The following TRAPPC9 variants were observed in gnomAD, a reference collection of about 807,000 sequenced individuals.
TRAPPC9 encodes the protein IKK2 binding protein.
A neutral mutation model predicts 124.0 loss-of-function variants in TRAPPC9; 83 were observed. The ratio of observed to expected loss-of-function variants is 0.67; its 90% CI spans 0.56 to 0.80. The LOEUF (loss-of-function observed/expected upper bound fraction) is 0.80. TRAPPC9 is among the 30% of genes least tolerant of loss of function. The pLI is 0.00. For synonymous variants in TRAPPC9, 638 were observed against 617.5 expected, an observed-to-expected ratio of 1.03 and a Z score of -0.49; for missense variants, 1,302 against 1,508.3, an observed-to-expected ratio of 0.86 and a Z score of 2.27.
intron 21 of TRAPPC9, among the ~76,000 whole-genome samples, chr8:139,856,382 A>C (rs1827798573): frequency 6.6e-6 from 1 of 152,126 alleles, no homozygotes; most frequent in Non-Finnish European, 1.5e-5. Context: ...CCCAGAAAGC[A>C]AGACCTCAGA....
At chr8:140,237,008 C>A (rs541701334) in intron 16 of TRAPPC9, among the ~76,000 whole-genome samples, 58 of 152,098 alleles carry the variant, frequency 3.8e-4, no homozygotes, top group African/African-American at 1.3e-3. Flanking sequence ...TGGTGAAACC[C>A]CGCCTCTATT....
At chr8:139,735,658 GTTTTT>G (rs112374981) in intron 21 of TRAPPC9, among the ~76,000 whole-genome samples, 2 of 147,456 alleles carry the variant, frequency 1.4e-5, no homozygotes, top group Admixed American at 1.4e-4. Flanking sequence ...ACCCTGCCCT[GTTTTT>G]TTTTTTTGTT....
chr8:140,110,077 C>G (rs1336105172), intron 17 of TRAPPC9, among the ~76,000 whole-genome samples: 1 of 152,156 alleles, frequency 6.6e-6, no homozygotes, highest in Admixed American at 6.5e-5. Flanking sequence ...ACGGGAGGCC[C>G]CAGATGAGAC....
intron 10 of TRAPPC9, among the ~76,000 whole-genome samples, chr8:140,309,669 T>C (rs912635227): frequency 2.0e-5 from 3 of 152,254 alleles, no homozygotes; most frequent in African/African-American, 7.2e-5. Context: ...TAGACCTTAA[T>C]CTTTAAAAAA....
At chr8:140,378,762 C>T (rs192738455) in intron 7 of TRAPPC9, among the ~76,000 whole-genome samples, 101 of 152,262 alleles carry the variant, frequency 6.6e-4, no homozygotes, top group Middle Eastern at 6.8e-3. Flanking sequence ...ACTCCCAAGT[C>T]TGGGCAGGTC....
At chr8:140,194,124 C>T (rs1018028757) in intron 17 of TRAPPC9, among the ~76,000 whole-genome samples, 2 of 152,142 alleles carry the variant, frequency 1.3e-5, no homozygotes, top group African/African-American at 4.8e-5. Flanking sequence ...GCTTAAAACC[C>T]CCAGGACCAC....
At chr8:140,444,166 C>T (rs1432034593) in intron 2 of TRAPPC9, among the ~76,000 whole-genome samples, 2 of 145,408 alleles carry the variant, frequency 1.4e-5, no homozygotes, top group Non-Finnish European at 3.0e-5. Context: ...GAGCAGAGAA[C>T]ATGCCACTGC....
At chr8:140,421,452 C>A (rs1024550909) in intron 5 of TRAPPC9, among the ~76,000 whole-genome samples, 1 of 152,040 alleles carries the variant, frequency 6.6e-6, no homozygotes, top group Non-Finnish European at 1.5e-5. Context: ...AGTGAAAATA[C>A]CTTTGTATGT....
intron 9 of TRAPPC9, among the ~76,000 whole-genome samples, chr8:140,341,210 TA>T (rs1388220018): frequency 2.0e-5 from 3 of 152,082 alleles, no homozygotes; most frequent in Admixed American, 6.5e-5. Flanking sequence ...ATATGAAATA[TA>T]AAAATTAATG....
chr8:140,131,294 C>T (rs1404000577), intron 17 of TRAPPC9, among the ~76,000 whole-genome samples: 1 of 152,202 alleles, frequency 6.6e-6, no homozygotes, highest in African/African-American at 2.4e-5. Context: ...ACATAAAGGA[C>T]TGCCACATTT....
chr8:140,328,840 T>A (rs1204562120), intron 9 of TRAPPC9, among the ~76,000 whole-genome samples: 7 of 152,156 alleles, frequency 4.6e-5, no homozygotes, highest in African/African-American at 1.7e-4. Flanking sequence ...AAGGATTTGA[T>A]GCTCGATTGG....
chr8:140,374,294 G>A (rs1180998835), intron 7 of TRAPPC9, among the ~76,000 whole-genome samples: 1 of 152,148 alleles, frequency 6.6e-6, no homozygotes, highest in Non-Finnish European at 1.5e-5. Context: ...GGTTGGCCGG[G>A]CGCAGTGGCG....
intron 2 of TRAPPC9, among the ~76,000 whole-genome samples, chr8:140,443,367 C>T (rs1048074117): frequency 2.0e-5 from 3 of 150,702 alleles, no homozygotes; most frequent in Admixed American, 2.0e-4. Context: ...ACCCGGGAGG[C>T]GGAGCTTGCA....
chr8:139,996,365 T>C (rs1245932309), intron 18 of TRAPPC9, among the ~76,000 whole-genome samples: 1 of 151,916 alleles, frequency 6.6e-6, no homozygotes, highest in Non-Finnish European at 1.5e-5. Flanking sequence ...TACCCAAGTG[T>C]ACATGCAATA....
Position 140,319,172 on chromosome 8 carries a change from C to CTT in TRAPPC9, c.1496-7800_1496-7799dup, listed in dbSNP as rs35283714. 3.7e-3 allele frequency among the ~76,000 whole-genome samples: 438 copies of CTT among 118,490 alleles called. 4 individuals carry two copies. Among genetic ancestry groups the CTT allele is most frequent in the East Asian group, 8.5e-3 (31 of 3,664 alleles). The allele number at this position is 118,490 out of a possible 152,430, so 77.7% of individuals were successfully genotyped here. A position where few individuals can be genotyped will look rare whatever the true frequency, so the allele number is the denominator to read the frequency against. On this transcript the variant is annotated intron_variant, in intron 9 of 22. Transcript: ENST00000438773. ...TAATGCCCTTGAAAGTTATTTTGAA[C>CTT]TTTTTTTTTTTTTTTTTTTTTGAGA...
chr8:140,284,312 A>G (rs796924888), intron 13 of TRAPPC9, among the ~76,000 whole-genome samples: 1 of 152,338 alleles, frequency 6.6e-6, no homozygotes, highest in African/African-American at 2.4e-5. Context: ...TATCTACTTA[A>G]TAATCAGTAT....
intron 15 of TRAPPC9, among the ~76,000 whole-genome samples, chr8:140,259,861 G>A (rs1246117192): frequency 6.6e-6 from 1 of 152,228 alleles, no homozygotes; most frequent in Non-Finnish European, 1.5e-5. Flanking sequence ...AGTGCATGAG[G>A]CAGAACACAC....
chr8:139,736,884 C>T lies in TRAPPC9; in HGVS notation c.3056-4682G>A, dbSNP rs142911198. Among the ~76,000 whole-genome samples, 526 of 152,190 alleles carry T rather than the reference C, an allele frequency of 3.5e-3. 5 individuals carry two copies. Among genetic ancestry groups the T allele is most frequent in the Non-Finnish European group, 5.1e-3 (349 of 68,002 alleles). On this transcript the variant is annotated intron_variant, in intron 21 of 22. Coordinates refer to ENST00000438773, the MANE Select transcript of TRAPPC9 (RefSeq NM_001160372.4). The stretch of plus-strand genomic sequence containing the variant: ...GGAAATGGGCTCATTTCTGCAGGGC[C>T]CCACTCTCCACAGCCACCCTGCTGA...
At chr8:140,126,974 G>A (rs1051528729) in intron 17 of TRAPPC9, among the ~76,000 whole-genome samples, 6 of 152,190 alleles carry the variant, frequency 3.9e-5, no homozygotes, top group Non-Finnish European at 8.8e-5. Context: ...GGTGATAGAC[G>A]AGGCAGAGAA....
Sources: allele counts gnomAD v4.1 joint callset (sites outside exome capture counted in the v4.1 genomes callset), GRCh38; gene constraint gnomAD v4.1.1; transcripts MANE v1.5; gene names NCBI Gene and HGNC (gene_info 2026-07-23, HGNC 2026-07-21).